The following KCNH8 variants were observed in gnomAD, a reference collection of about 807,000 sequenced individuals.
KCNH8 encodes the protein voltage-gated delayed rectifier potassium channel KCNH8.
KCNH8 carries 70 observed loss-of-function variants against 103.6 expected under a neutral mutation model. The observed-to-expected ratio is 0.68, with a 90% CI of 0.56 to 0.82. The LOEUF (loss-of-function observed/expected upper bound fraction) is 0.82, where lower values mean the gene tolerates loss of function less well. Ranked by LOEUF, KCNH8 falls within the 40% of genes least tolerant of loss-of-function variation. The pLI, the probability that KCNH8 is intolerant of heterozygous loss-of-function variation, is 0.00. For synonymous variants in KCNH8, 498 were observed against 489.4 expected (o/e 1.02, Z -0.23); for missense variants, 1,217 against 1,329.9 (o/e 0.92, Z 1.32).
intron 7 of KCNH8, among the ~76,000 whole-genome samples, chr3:19,411,148 A>T (rs373134991): frequency 6.6e-6 from 1 of 152,142 alleles, no homozygotes; most frequent in Non-Finnish European, 1.5e-5. Flanking sequence ...GCAACAGCAC[A>T]TCAAAAAGTT....
At chr3:19,315,864 A>G (rs948022108) in intron 3 of KCNH8, among the ~76,000 whole-genome samples, 1 of 151,968 alleles carries the variant, frequency 6.6e-6, no homozygotes, top group Non-Finnish European at 1.5e-5. Flanking sequence ...ATAGTTGGCC[A>G]CACGTATATA....
intron 7 of KCNH8, among the ~76,000 whole-genome samples, chr3:19,415,836 C>T (rs2066855426): frequency 6.6e-6 from 1 of 151,976 alleles, no homozygotes; most frequent in Admixed American, 6.6e-5. Flanking sequence ...ATTCTTTCCC[C>T]AGATCTTCAT....
chr3:19,151,105 T>C (rs561471419), intron 1 of KCNH8, among the ~76,000 whole-genome samples: 26 of 152,174 alleles, frequency 1.7e-4, no homozygotes, highest in Non-Finnish European at 2.8e-4. Flanking sequence ...TTTTGGTATA[T>C]CTAGAATAAT....
intron 3 of KCNH8, among the ~76,000 whole-genome samples, chr3:19,324,489 C>G (rs535015296): frequency 2.6e-5 from 4 of 152,250 alleles, no homozygotes; most frequent in African/African-American, 9.6e-5. Flanking sequence ...TCCACCAGGT[C>G]CCTTCCTCAA....
In KCNH8 at chr3:19,526,145, T is replaced by A. The variant is rs983087458; in HGVS notation, c.2620-7250T>A. Among the ~76,000 whole-genome samples, 3 of 151,858 alleles carry A rather than the reference T, an allele frequency of 2.0e-5. No individual in the cohort carries two copies. In the East Asian group the frequency reaches 5.8e-4, roughly 29 times the overall value. ...GTATTAGTAGTGGGGCAGGGGAGGA[T>A]TGGTATAATTAGTACCCCTTAGGAA... On this transcript the variant is annotated intron_variant, in intron 15 of 15. Coordinates refer to ENST00000328405, the MANE Select transcript of KCNH8 (RefSeq NM_144633.3).
intron 7 of KCNH8, among the ~76,000 whole-genome samples, chr3:19,413,990 G>T (rs2066824072): frequency 6.6e-6 from 1 of 151,994 alleles, no homozygotes; most frequent in African/African-American, 2.4e-5. Flanking sequence ...AATAGGATTG[G>T]ATTTTAAAAA....
intron 11 of KCNH8, among the ~76,000 whole-genome samples, chr3:19,498,484 A>C (rs2068496287): frequency 1.3e-5 from 2 of 151,926 alleles, no homozygotes; most frequent in African/African-American, 4.8e-5. Flanking sequence ...AAAGGATCTT[A>C]TTTCTCCTCC....
chr3:19,201,876 G>A (rs1298328313), intron 1 of KCNH8, among the ~76,000 whole-genome samples: 3 of 152,074 alleles, frequency 2.0e-5, no homozygotes, highest in Non-Finnish European at 2.9e-5. Context: ...TAAGTTGATG[G>A]CTTTCACATT....
chr3:19,338,005 G>A (rs1330419143), intron 3 of KCNH8, among the ~76,000 whole-genome samples: 3 of 151,782 alleles, frequency 2.0e-5, no homozygotes, highest in Non-Finnish European at 2.9e-5. Flanking sequence ...GAGGCGGGGG[G>A]GGGAGAAAGA....
chr3:19,197,428 G>T (rs1288024323), intron 1 of KCNH8, among the ~76,000 whole-genome samples: 2 of 151,922 alleles, frequency 1.3e-5, no homozygotes, highest in Non-Finnish European at 2.9e-5. Context: ...AATCTATCTG[G>T]CATTGGAGCC....
chr3:19,312,743 G>A (rs1381486334), intron 3 of KCNH8, among the ~76,000 whole-genome samples: 1 of 151,810 alleles, frequency 6.6e-6, no homozygotes, highest in African/African-American at 2.4e-5. Flanking sequence ...ATTAAAATTT[G>A]CTTAAAGAGC....
At chr3:19,230,810 G>T (rs1244263377) in intron 1 of KCNH8, among the ~76,000 whole-genome samples, 1 of 152,122 alleles carries the variant, frequency 6.6e-6, no homozygotes, top group Non-Finnish European at 1.5e-5. Flanking sequence ...TCCATTCCTG[G>T]TGGGCATGTA....
At chr3:19,236,921 C>T (rs1284740059) in intron 1 of KCNH8, among the ~76,000 whole-genome samples, 2 of 152,134 alleles carry the variant, frequency 1.3e-5, no homozygotes, top group Non-Finnish European at 2.9e-5. Context: ...CCCAGTTGAA[C>T]TTGACTTTAT....
At chr3:19,228,630 TA>T (rs1559432286) in intron 1 of KCNH8, among the ~76,000 whole-genome samples, 1 of 152,186 alleles carries the variant, frequency 6.6e-6, no homozygotes, top group Admixed American at 6.5e-5. Flanking sequence ...GTGATTCATT[TA>T]AAAAATGTAT....
chr3:19,296,601 C>CA lies in KCNH8; in HGVS notation c.442+15273dup, dbSNP rs370426732. Reference sequence around the variant, plus strand: ...AAAGTGTGAGGACTCTCTTGAGTGGCATTAAAAGATTCAGAAGTCTTATGG... The same window carrying CA: ...AAAGTGTGAGGACTCTCTTGAGTGGCAATTAAAAGATTCAGAAGTCTTATGG... On this transcript the variant is annotated intron_variant, in intron 3 of 15. Transcript: ENST00000328405. Among the ~76,000 whole-genome samples the CA allele has an allele frequency of 2.3e-3, 344 of 152,144 alleles. 1 individual carries two copies. The highest frequency in any genetic ancestry group is 8.0e-3 in the African/African-American group (334 of 41,500).
At chr3:19,403,156 TG>T (rs1022718865) in intron 7 of KCNH8, among the ~76,000 whole-genome samples, 1 of 151,428 alleles carries the variant, frequency 6.6e-6, no homozygotes, top group African/African-American at 2.4e-5. Flanking sequence ...TTAATCCACT[TG>T]GGGTTTGGTT....
At chr3:19,475,516 C>G (rs888465249) in intron 11 of KCNH8, among the ~76,000 whole-genome samples, 8 of 152,146 alleles carry the variant, frequency 5.3e-5, no homozygotes, top group Non-Finnish European at 7.4e-5. Context: ...CCCTTCTTCC[C>G]ACAAATCTTG....
chr3:19,166,768 C>T (rs557960428), intron 1 of KCNH8, among the ~76,000 whole-genome samples: 1 of 152,254 alleles, frequency 6.6e-6, no homozygotes, highest in South Asian at 2.1e-4. Flanking sequence ...AAACTCTATG[C>T]TGCACTATAA....
intron 1 of KCNH8, among the ~76,000 whole-genome samples, chr3:19,206,373 A>G (rs1359098151): frequency 1.3e-5 from 2 of 151,602 alleles, no homozygotes; most frequent in Non-Finnish European, 2.9e-5. Flanking sequence ...CGTGTGTGCA[A>G]GTATCTGGCC....
Sources: allele counts gnomAD v4.1 joint callset (sites outside exome capture counted in the v4.1 genomes callset), GRCh38; gene constraint gnomAD v4.1.1; transcripts MANE v1.5; gene names NCBI Gene and HGNC (gene_info 2026-07-23, HGNC 2026-07-21).